Variants in SLC25A18 observed in about 807,000 individuals in gnomAD.
The protein encoded by SLC25A18 is mitochondrial glutamate carrier 2.
A neutral mutation model predicts 31.1 loss-of-function variants in SLC25A18; 24 were observed. The observed-to-expected ratio is 0.77, with a 90% CI of 0.56 to 1.08. SLC25A18 has a LOEUF of 1.08. Ranked by LOEUF, SLC25A18 falls within the 50% of genes least tolerant of loss-of-function variation. The pLI is 0.00. For synonymous variants in SLC25A18, 173 were observed against 161.9 expected (o/e 1.07, Z -0.52); for missense variants, 371 against 418.5 (o/e 0.89, Z 0.99).
intron 2 of SLC25A18, among the ~76,000 whole-genome samples, chr22:17,574,311 A>T (rs1457473553): frequency 6.6e-6 from 1 of 152,168 alleles, no homozygotes; most frequent in Non-Finnish European, 1.5e-5. Flanking sequence ...TGTTGTGAAA[A>T]TGCCAATCAA....
intron 6 of SLC25A18, 109 bp downstream of exon 6, chr22:17,582,762 A>G: frequency 1.1e-6 from 1 of 913,294 alleles, no homozygotes. Context: ...ATGCATATAA[A>G]TATGTGCACA....
intron 1 of SLC25A18, among the ~76,000 whole-genome samples, chr22:17,564,676 G>A (rs1008481070): frequency 5.3e-5 from 8 of 151,926 alleles, no homozygotes; most frequent in Admixed American, 2.0e-4. Context: ...CCTGGCTAAC[G>A]TGAAACCCCA....
chr22:17,569,244 G>A (rs1223552626), intron 1 of SLC25A18, among the ~76,000 whole-genome samples: 3 of 152,024 alleles, frequency 2.0e-5, no homozygotes, highest in South Asian at 4.2e-4. Context: ...TCCCGACCTC[G>A]TGATCCGCCC....
intron 2 of SLC25A18, among the ~76,000 whole-genome samples, chr22:17,577,394 G>A (rs2057256740): frequency 6.6e-6 from 1 of 151,814 alleles, no homozygotes; most frequent in African/African-American, 2.4e-5. Flanking sequence ...CTGACGTCAG[G>A]TGATCCGCCC....
intron 8 of SLC25A18, 24 bp downstream of exon 8, chr22:17,587,325 A>G: frequency 1.2e-6 from 2 of 1,601,908 alleles, no homozygotes; most frequent in Non-Finnish European, 1.7e-6. Flanking sequence ...CCGGTTCCCT[A>G]GGACAAGTGC....
At position 17,590,037 on chromosome 22, in the gene SLC25A18, G is replaced by A; in HGVS notation, c.807-58G>A. The A allele has an allele frequency of 2.5e-6, 4 of 1,606,268 alleles. 1 individual carries two copies. The Admixed American group carries it at 6.7e-5, about 27-fold the overall frequency. On this transcript the variant is annotated intron_variant, in intron 10 of 10. Coordinates refer to ENST00000327451, the MANE Select transcript of SLC25A18 (RefSeq NM_031481.3). ...GTGCACAAATGGAGAGGCTGCCACT[G>A]AGGGCTGCTTGCAGAATGCCCCTGC...
At chr22:17,582,700 G>T in intron 6 of SLC25A18, 47 bp downstream of exon 6, 1 of 1,498,042 alleles carries the variant, frequency 6.7e-7, no homozygotes, top group East Asian at 2.4e-5. Context: ...TGTGTTTTTT[G>T]GGAGAGATGG....
At chr22:17,576,496 C>G (rs1239355117) in intron 2 of SLC25A18, among the ~76,000 whole-genome samples, 2 of 152,230 alleles carry the variant, frequency 1.3e-5, no homozygotes, top group Non-Finnish European at 2.9e-5. Flanking sequence ...ACAGTAATCA[C>G]TCAACAAATA....
intron 9 of SLC25A18, 95 bp downstream of exon 9, chr22:17,588,174 C>A (rs2057608967): frequency 6.9e-7 from 1 of 1,458,648 alleles, no homozygotes; most frequent in Non-Finnish European, 9.3e-7. Flanking sequence ...TACTGGGTTG[C>A]AATCTGGCTG....
chr22:17,577,226 G>C (rs1021632714), intron 2 of SLC25A18, among the ~76,000 whole-genome samples: 1 of 152,102 alleles, frequency 6.6e-6, no homozygotes, highest in African/African-American at 2.4e-5. Context: ...GTTTCACCAT[G>C]TTAGCCAGGA....
intron 2 of SLC25A18, among the ~76,000 whole-genome samples, chr22:17,578,581 C>A (rs1439262356): frequency 1.3e-5 from 2 of 152,182 alleles, no homozygotes; most frequent in African/African-American, 4.8e-5. Flanking sequence ...CCAGCCTGTG[C>A]CCAAGCAGAG....
In SLC25A18 at chr22:17,590,498, A is replaced by AAAT. The variant is rs2057686432; in HGVS notation, c.*263_*265dup. 2.6e-6 allele frequency: 1 copy of AAAT among 378,796 alleles called. No homozygotes were observed. Among genetic ancestry groups the AAAT allele is most frequent in the East Asian group, 4.1e-5 (1 of 24,558 alleles). 23.5% of individuals were successfully genotyped at this position (378,796 alleles called of 1,614,324 possible). A position where few individuals can be genotyped will look rare whatever the true frequency, so the allele number is the denominator to read the frequency against. On this transcript the variant is annotated 3_prime_UTR_variant, in exon 11 of 11. Transcript: ENST00000327451. ...CCCCTAACCACCTACTTTTCAACAAAAATGGTACTTTCGTTGTATTAATTG... is the reference window on the plus strand; with the variant it reads ...CCCCTAACCACCTACTTTTCAACAAAAATAATGGTACTTTCGTTGTATTAATTG...
chr22:17,578,146 A>G (rs963446726), intron 2 of SLC25A18, among the ~76,000 whole-genome samples: 1 of 137,618 alleles, frequency 7.3e-6, no homozygotes, highest in Non-Finnish European at 1.6e-5. Flanking sequence ...AATTTTTTGT[A>G]TTTTTGTAAA....
At chr22:17,571,273 G>A (rs1357557946) in intron 2 of SLC25A18, among the ~76,000 whole-genome samples, 3 of 152,178 alleles carry the variant, frequency 2.0e-5, no homozygotes, top group African/African-American at 7.2e-5. Flanking sequence ...AATCTGTGGT[G>A]ATCTAGCAGT....
rs186734411 is a variant in SLC25A18, at chr22:17,581,857, T to C, written c.199+444T>C. The C allele has an allele frequency of 3.2e-3, 558 of 174,552 alleles. 4 individuals carry two copies. The highest frequency in any genetic ancestry group is 0.013 in the African/African-American group (534 of 42,204). The allele number at this position is 174,552 out of a possible 1,614,324, so 10.8% of individuals were successfully genotyped here. A position where few individuals can be genotyped will look rare whatever the true frequency, so the allele number is the denominator to read the frequency against. ...TGGAGTTGAGCCGGAGCTCGTATGC[T>C]TGTGCCGCCGAGAAGCAAAACACAA... On this transcript the variant is annotated intron_variant, in intron 5 of 10. Transcript: ENST00000327451.
At chr22:17,580,403 A>G (rs959730610) in intron 3 of SLC25A18, 11 of 422,836 alleles carry the variant, frequency 2.6e-5, no homozygotes, top group Non-Finnish European at 3.2e-5. Context: ...CCCGTCTTCC[A>G]AAGCTCCTAT....
chr22:17,581,546 G>C (rs1377489380), intron 5 of SLC25A18, 133 bp downstream of exon 5: 2 of 976,552 alleles, frequency 2.0e-6, no homozygotes, highest in Non-Finnish European at 1.5e-6. Flanking sequence ...GAGCCTCTGT[G>C]CTCTTGGGTG....
chr22:17,581,494 C>T, intron 5 of SLC25A18, 81 bp downstream of exon 5: 2 of 1,512,236 alleles, frequency 1.3e-6, no homozygotes, highest in South Asian at 1.1e-5. Context: ...CCTTCCGTTG[C>T]TGCGGGGATG....
At position 17,590,992 on chromosome 22, in the gene SLC25A18, C is replaced by G. The variant is rs145103562; in HGVS notation, c.*756C>G. Reference sequence around the variant, plus strand: ...CCAAACATTAAAAAGGGCATAGAAGCAGACCCCCGTCACTCTTCAAACTGT... The same window carrying G: ...CCAAACATTAAAAAGGGCATAGAAGGAGACCCCCGTCACTCTTCAAACTGT... On this transcript the variant is annotated 3_prime_UTR_variant, in exon 11 of 11. Transcript: ENST00000327451. 1.2e-4 allele frequency: 18 copies of G among 152,388 alleles called. No individual in the cohort carries two copies. Among genetic ancestry groups the G allele is most frequent in the African/African-American group, 4.3e-4 (18 of 41,582 alleles). 9.4% of individuals were successfully genotyped at this position (152,388 alleles called of 1,614,324 possible).
Sources: gnomAD v4.1 joint callset for allele counts (sites outside exome capture counted in the v4.1 genomes callset) on GRCh38, gnomAD v4.1.1 for gene constraint, MANE v1.5 for transcripts, NCBI Gene and HGNC (gene_info 2026-07-23, HGNC 2026-07-21) for gene names.